The following MYT1 variants were observed in gnomAD, a reference collection of about 807,000 sequenced individuals.
MYT1 encodes the protein myelin transcription factor I.
A neutral mutation model predicts 123.0 loss-of-function variants in MYT1; 23 were observed. The ratio of observed to expected loss-of-function variants is 0.19; its 90% CI spans 0.13 to 0.26. The LOEUF (loss-of-function observed/expected upper bound fraction) is 0.26, where lower values mean the gene tolerates loss of function less well. Ranked by LOEUF, MYT1 falls within the 10% of genes least tolerant of loss-of-function variation. MYT1 has a pLI of 1.00. For synonymous variants in MYT1, 518 were observed against 575.3 expected (o/e 0.90, Z 1.43); for missense variants, 1,125 against 1,472.5 (o/e 0.76, Z 3.86).
chr20:64,208,597 A>G lies in MYT1; in HGVS notation c.1291+110A>G. On this transcript the variant is annotated intron_variant, in intron 7 of 22. Coordinates refer to ENST00000328439, the MANE Select transcript of MYT1 (RefSeq NM_004535.3). The surrounding 1 kb of genome is among the most constrained non-coding windows in gnomAD (Gnocchi z 5.4). The stretch of plus-strand genomic sequence containing the variant: ...AGGACAGGGGGCTGGGGGATGGCAG[A>G]AAAGCAGACAAAAGGACAAATACAT... The G allele has an allele frequency of 6.9e-7, 1 of 1,441,688 alleles. No individual in the cohort carries two copies. Among genetic ancestry groups the G allele is most frequent in the Non-Finnish European group, 9.1e-7 (1 of 1,095,446 alleles). The allele number at this position is 1,441,688 out of a possible 1,614,324, so 89.3% of individuals were successfully genotyped here.
chr20:64,205,633 A>G lies in MYT1; in HGVS notation c.230A>G (p.His77Arg). 1 of 1,613,984 alleles carries G rather than the reference A, an allele frequency of 6.2e-7. No homozygotes were observed. Among genetic ancestry groups the G allele is most frequent in the Non-Finnish European group, 8.5e-7 (1 of 1,179,978 alleles). ...CACCTGGTGTCCAAGAGGAAGTCAC[A>G]CCCCCTGAAGCTGGCTCTGGACGAG... ...AEHLVSKRKS[H>R]PLKLALDEGY... Residue 77 changes from histidine to arginine, a missense_variant, in exon 6 of 23, where the codon CAC (histidine) becomes CGC (arginine). By Grantham distance (29) the His-to-Arg change is conservative. Around this residue, in one of 4 missense-constraint regions of MYT1, gnomAD observed 406 missense variants for 432.2 expected, o/e 0.94. Transcript: ENST00000328439.
At chr20:64,195,063 T>C (rs1568704444) in intron 2 of MYT1, among the ~76,000 whole-genome samples, 1 of 151,666 alleles carries the variant, frequency 6.6e-6, no homozygotes, top group South Asian at 2.1e-4. Flanking sequence ...ACCCGGCTAA[T>C]TTTTGTATTT....
chr20:64,202,591 A>T lies in MYT1; in HGVS notation c.87-2444A>T, dbSNP rs561923006. 6.6e-6 allele frequency among the ~76,000 whole-genome samples: 1 copy of T among 152,132 alleles called. No homozygotes were observed. Among genetic ancestry groups the T allele is most frequent in the African/African-American group, 2.4e-5 (1 of 41,498 alleles). Reference sequence around the variant, plus strand: ...CAACTCCCACCCAGATGACTGCCCCAGGAGAGGGAGGGAAGGCAGGGAAGG... The same window carrying T: ...CAACTCCCACCCAGATGACTGCCCCTGGAGAGGGAGGGAAGGCAGGGAAGG... On this transcript the variant is annotated intron_variant, in intron 4 of 22. Coordinates refer to ENST00000328439, the MANE Select transcript of MYT1 (RefSeq NM_004535.3). The surrounding 1 kb of genome is among the most constrained non-coding windows in gnomAD (Gnocchi z 5.0).
intron 4 of MYT1, among the ~76,000 whole-genome samples, chr20:64,201,673 A>G (rs74409212): frequency 0.085 from 12,972 of 152,222 alleles, 721 homozygotes; most frequent in Middle Eastern, 0.2. Context: ...TGGACTGATG[A>G]TGTTCCCCCT....
At chr20:64,214,975 C>G (rs1458679189) in intron 10 of MYT1, among the ~76,000 whole-genome samples, 1 of 152,232 alleles carries the variant, frequency 6.6e-6, no homozygotes, top group Non-Finnish European at 1.5e-5. Context: ...GGGCAGAGCA[C>G]AGAGACTTGC....
At position 64,203,491 on chromosome 20, in the gene MYT1, T is replaced by C. The variant is rs1385571148; in HGVS notation, c.87-1544T>C. Among the ~76,000 whole-genome samples, 2 of 152,046 alleles carry C rather than the reference T, an allele frequency of 1.3e-5. No individual in the cohort carries two copies. The highest frequency in any genetic ancestry group is 2.9e-5 in the Non-Finnish European group (2 of 67,994). ...GCCCCCAGTCGAGTGTGGTGTGCCC[T>C]CCCTCTCTCGCTCTCTCCCTCTTCC... On this transcript the variant is annotated intron_variant, in intron 4 of 22. Coordinates refer to ENST00000328439, the MANE Select transcript of MYT1 (RefSeq NM_004535.3). This position sits in a 1 kb window ranked among gnomAD's most constrained non-coding sequence, Gnocchi z 5.1.
At chr20:64,233,187 T>A (rs1039086782) in intron 19 of MYT1, among the ~76,000 whole-genome samples, 1 of 87,260 alleles carries the variant, frequency 1.1e-5, no homozygotes, top group Admixed American at 1.3e-4. Flanking sequence ...CCTCTCCCCT[T>A]TCCTCCCCTC....
At chr20:64,172,340 A>C (rs1230371593) in intron 1 of MYT1, among the ~76,000 whole-genome samples, 1 of 152,200 alleles carries the variant, frequency 6.6e-6, no homozygotes, top group African/African-American at 2.4e-5. Context: ...GGATTGGAGA[A>C]GGAAAACAGA....
chr20:64,193,935 C>T lies in MYT1; in HGVS notation c.-1+3775C>T, dbSNP rs931341093. ...TACCGTGTCTCCTTCTCTGGCCCAG[C>T]GCTGGGGTGAATGGCCCCCGTGGTG... On this transcript the variant is annotated intron_variant, in intron 2 of 22. Transcript: ENST00000328439. This position sits in a 1 kb window ranked among gnomAD's most constrained non-coding sequence, Gnocchi z 4.0. Among the ~76,000 whole-genome samples the T allele has an allele frequency of 2.0e-5, 3 of 152,194 alleles. No homozygotes were observed. Among genetic ancestry groups the T allele is most frequent in the Admixed American group, 6.5e-5 (1 of 15,288 alleles).
rs1342238689 is a variant in MYT1 at position 64,186,836 on chromosome 20, T to G, written c.-98-3227T>G. On this transcript the variant is annotated intron_variant, in intron 1 of 22. Coordinates refer to ENST00000328439, the MANE Select transcript of MYT1 (RefSeq NM_004535.3). This position sits in a 1 kb window ranked among gnomAD's most constrained non-coding sequence, Gnocchi z 4.3. ...TGTGGCCCCGGCATCCACGTTTCCGTGGAGAGTTTCCTGTAGCACGTGGCT... is the reference window on the plus strand; with the variant it reads ...TGTGGCCCCGGCATCCACGTTTCCGGGGAGAGTTTCCTGTAGCACGTGGCT... 6.7e-6 allele frequency among the ~76,000 whole-genome samples: 1 copy of G among 148,638 alleles called. No individual in the cohort carries two copies. Among genetic ancestry groups the G allele is most frequent in the African/African-American group, 2.5e-5 (1 of 39,612 alleles).
chr20:64,212,562 G>A lies in MYT1; in HGVS notation c.1517+424G>A, dbSNP rs757854552. 7.9e-5 allele frequency among the ~76,000 whole-genome samples: 12 copies of A among 152,188 alleles called. No homozygotes were observed. Among genetic ancestry groups the A allele is most frequent in the Non-Finnish European group, 1.5e-4 (10 of 68,028 alleles). On this transcript the variant is annotated intron_variant, in intron 9 of 22. Transcript: ENST00000328439. This position sits in a 1 kb window ranked among gnomAD's most constrained non-coding sequence, Gnocchi z 6.8. Reference sequence around the variant, plus strand: ...GAGGAGGGAGCAATGCACCCTCTGTGAAGAGAGGTACAACAACCATGTGAG... The same window carrying A: ...GAGGAGGGAGCAATGCACCCTCTGTAAAGAGAGGTACAACAACCATGTGAG...
intron 1 of MYT1, among the ~76,000 whole-genome samples, chr20:64,176,869 C>T (rs1416073065): frequency 2.0e-5 from 3 of 152,176 alleles, no homozygotes; most frequent in South Asian, 2.1e-4. Flanking sequence ...GATGACAGGC[C>T]GCCTGGAGAG....
In MYT1 at chr20:64,168,760, T is replaced by C. The variant is rs914589172; in HGVS notation, c.-99+4021T>C. On this transcript the variant is annotated intron_variant, in intron 1 of 22. Coordinates refer to ENST00000328439, the MANE Select transcript of MYT1 (RefSeq NM_004535.3). The surrounding 1 kb of genome is among the most constrained non-coding windows in gnomAD (Gnocchi z 6.1). ...GGGACTGTGGCCTGGGAGCACGGCC[T>C]GTGCCAGGAGGGTGCAGGTTGGATG... Among the ~76,000 whole-genome samples, 3 of 152,244 alleles carry C rather than the reference T, an allele frequency of 2.0e-5. No individual in the cohort carries two copies. Among genetic ancestry groups the C allele is most frequent in the African/African-American group, 7.2e-5 (3 of 41,464 alleles).
At chr20:64,228,281 A>G (rs1250123498) in intron 18 of MYT1, among the ~76,000 whole-genome samples, 3 of 152,186 alleles carry the variant, frequency 2.0e-5, no homozygotes, top group Admixed American at 6.5e-5. Context: ...TCTTAGGGCC[A>G]CCTGGGAGTG....
rs149696869 is a variant in MYT1, at chr20:64,238,986, G to T, written c.3094-774G>T. ...CTTGTCACCAGGTGGCAGAAGAAGC[G>T]TGCTTGACCCCATCCACAGCCTCCC... On this transcript the variant is annotated intron_variant, in intron 21 of 22. Coordinates refer to ENST00000328439, the MANE Select transcript of MYT1 (RefSeq NM_004535.3). Among the ~76,000 whole-genome samples the T allele has an allele frequency of 5.9e-5, 9 of 152,308 alleles. No homozygotes were observed. The South Asian group carries it at 1.9e-3, about 32-fold the overall frequency.
At chr20:64,236,144 T>C (rs1417145975) in intron 19 of MYT1, among the ~76,000 whole-genome samples, 16 of 25,372 alleles carry the variant, frequency 6.3e-4, no homozygotes, top group Admixed American at 2.5e-3. Flanking sequence ...CCTGGGATGG[T>C]CGCGGTGGGT....
In MYT1 at chr20:64,190,243, A is replaced by T. The variant is rs2145702986; in HGVS notation, c.-1+83A>T. 1 of 152,664 alleles carries T rather than the reference A, an allele frequency of 6.6e-6. No homozygotes were observed. Among genetic ancestry groups the T allele is most frequent in the South Asian group, 2.1e-4 (1 of 4,828 alleles). The allele number at this position is 152,664 out of a possible 1,614,324, so 9.5% of individuals were successfully genotyped here. On this transcript the variant is annotated intron_variant, in intron 2 of 22. Transcript: ENST00000328439. This position sits in a 1 kb window ranked among gnomAD's most constrained non-coding sequence, Gnocchi z 4.1. ...AAGCCTCTCTTCAGCTGCAGGCATG[A>T]AGCATGGAGGCGACTTTTGGTCTGA...
At chr20:64,239,948 G>T (rs758475214) in intron 22 of MYT1, 45 bp downstream of exon 22, 2 of 1,600,422 alleles carry the variant, frequency 1.2e-6, no homozygotes, top group Non-Finnish European at 1.7e-6. Flanking sequence ...ACCCCCCAGG[G>T]TCTCTTCGGA....
chr20:64,198,355 T>C (rs1373563198), intron 2 of MYT1, among the ~76,000 whole-genome samples: 1 of 147,188 alleles, frequency 6.8e-6, no homozygotes, highest in Non-Finnish European at 1.5e-5. Context: ...TGGGAAGCTG[T>C]GCTCTGGGGA....
Sources: gnomAD v4.1 joint callset for allele counts (sites outside exome capture counted in the v4.1 genomes callset) on GRCh38, gnomAD v4.1.1 for gene constraint, gnomAD v4.1.1 regional missense constraint, Gnocchi (gnomAD v3.1) non-coding constraint, MANE v1.5 for transcripts, NCBI Gene and HGNC (gene_info 2026-07-23, HGNC 2026-07-21) for gene names.